SMAD9: variants seen among roughly 807,000 people sequenced by gnomAD.
SMAD9 encodes the protein MAD homolog 9.
SMAD9 carries 36 observed loss-of-function variants against 46.1 expected under a neutral mutation model. The observed-to-expected ratio is 0.78, with a 90% CI of 0.60 to 1.03. The LOEUF (loss-of-function observed/expected upper bound fraction) is 1.03. SMAD9 is among the 50% of genes least tolerant of loss of function. SMAD9 has a pLI of 0.00. For synonymous variants in SMAD9, 245 were observed against 237.1 expected (o/e 1.03, Z -0.31); for missense variants, 572 against 599.8 (o/e 0.95, Z 0.48).
At chr13:36,851,052 T>G (rs991367105) in intron 6 of SMAD9, among the ~76,000 whole-genome samples, 2 of 152,188 alleles carry the variant, frequency 1.3e-5, no homozygotes, top group Non-Finnish European at 2.9e-5. Context: ...CAACCTTGCC[T>G]GTATAATATC....
chr13:36,866,812 C>G (rs1203544928), intron 4 of SMAD9, among the ~76,000 whole-genome samples: 1 of 152,110 alleles, frequency 6.6e-6, no homozygotes, highest in Non-Finnish European at 1.5e-5. Flanking sequence ...AAGATCACAA[C>G]GTGGTTTATA....
At chr13:36,889,305 A>T (rs1006576322) in intron 1 of SMAD9, among the ~76,000 whole-genome samples, 2 of 152,122 alleles carry the variant, frequency 1.3e-5, no homozygotes, top group Admixed American at 1.3e-4. Flanking sequence ...TGTGCTATTT[A>T]CTTTAAAATG....
At chr13:36,898,992 C>T (rs1325602844) in intron 1 of SMAD9, among the ~76,000 whole-genome samples, 1 of 151,770 alleles carries the variant, frequency 6.6e-6, no homozygotes. Flanking sequence ...TCACAGGCAA[C>T]AGAAAGAACA....
At position 36,879,274 on chromosome 13, in the gene SMAD9, C is replaced by A; in HGVS notation, c.412+4G>T. Reference sequence around the variant, plus strand: ...TAAACCTTGACGTCGTAAAGACGACCCACCTGGAGTCTCCACCCGGCGGTA... The same window carrying A: ...TAAACCTTGACGTCGTAAAGACGACACACCTGGAGTCTCCACCCGGCGGTA... On this transcript the variant is annotated splice_donor_region_variant and intron_variant, in intron 2 of 6. Transcript: ENST00000379826. 6.2e-7 allele frequency: 1 copy of A among 1,613,790 alleles called. No individual in the cohort carries two copies. The highest frequency in any genetic ancestry group is 8.5e-7 in the Non-Finnish European group (1 of 1,179,850).
At chr13:36,888,910 G>A (rs1016481494) in intron 1 of SMAD9, among the ~76,000 whole-genome samples, 1 of 152,106 alleles carries the variant, frequency 6.6e-6, no homozygotes, top group Admixed American at 6.5e-5. Flanking sequence ...ACATGAAACT[G>A]ACCACATTTG....
chr13:36,868,937 C>T (rs1050243467), intron 3 of SMAD9, among the ~76,000 whole-genome samples: 1 of 151,862 alleles, frequency 6.6e-6, no homozygotes, highest in Non-Finnish European at 1.5e-5. Context: ...ATCGTTCAGT[C>T]ACAAAGATGA....
chr13:36,888,953 A>G (rs1263808412), intron 1 of SMAD9, among the ~76,000 whole-genome samples: 5 of 152,046 alleles, frequency 3.3e-5, no homozygotes, highest in African/African-American at 1.2e-4. Context: ...GCCAGAGGAG[A>G]AGAAGGGTGG....
intron 3 of SMAD9, 71 bp from the exon 4 acceptor site, chr13:36,867,454 C>T (rs2058246586): frequency 1.9e-6 from 2 of 1,046,044 alleles, no homozygotes; most frequent in African/African-American, 1.6e-5. Flanking sequence ...GATCCGACAT[C>T]TTTTGCCATT....
intron 3 of SMAD9, among the ~76,000 whole-genome samples, chr13:36,870,560 T>A (rs2058281319): frequency 7.5e-6 from 1 of 132,868 alleles, no homozygotes; most frequent in South Asian, 2.3e-4. Flanking sequence ...TGCTACAGGC[T>A]ACCTGTATGT....
intron 1 of SMAD9, among the ~76,000 whole-genome samples, chr13:36,894,965 G>A (rs1263448549): frequency 6.6e-6 from 1 of 152,164 alleles, no homozygotes; most frequent in Non-Finnish European, 1.5e-5. Context: ...TCCATGGCAA[G>A]GAGGGCTATC....
chr13:36,890,308 C>A (rs2138571985), intron 1 of SMAD9, among the ~76,000 whole-genome samples: 1 of 152,274 alleles, frequency 6.6e-6, no homozygotes, highest in South Asian at 2.1e-4. Flanking sequence ...TGGAAGGGCA[C>A]TGAAGAATAT....
intron 1 of SMAD9, among the ~76,000 whole-genome samples, chr13:36,884,177 A>T (rs1413332116): frequency 6.6e-6 from 1 of 152,208 alleles, no homozygotes; most frequent in African/African-American, 2.4e-5. Flanking sequence ...AACAAATATC[A>T]TCTACCAACA....
chr13:36,851,857 G>C (rs1008405884), intron 6 of SMAD9: 1 of 978,854 alleles, frequency 1.0e-6, no homozygotes, highest in African/African-American at 1.8e-5. Context: ...TCTGAGAAAT[G>C]TATCTAGTTA....
At chr13:36,898,233 G>A (rs1322378948) in intron 1 of SMAD9, among the ~76,000 whole-genome samples, 1 of 152,014 alleles carries the variant, frequency 6.6e-6, no homozygotes, top group South Asian at 2.1e-4. Context: ...TACACAGAAA[G>A]ATGAAAATTT....
chr13:36,885,862 A>G (rs952918216), intron 1 of SMAD9, among the ~76,000 whole-genome samples: 1 of 152,182 alleles, frequency 6.6e-6, no homozygotes, highest in African/African-American at 2.4e-5. Flanking sequence ...TAAAAAAACA[A>G]CAACACTGAA....
chr13:36,898,101 G>A (rs1422379821), intron 1 of SMAD9, among the ~76,000 whole-genome samples: 4 of 151,680 alleles, frequency 2.6e-5, no homozygotes, highest in Middle Eastern at 3.4e-3. Flanking sequence ...CTCGTGATCC[G>A]CCCGCCTCGG....
At chr13:36,877,720 G>A (rs1318836819) in intron 2 of SMAD9, among the ~76,000 whole-genome samples, 1 of 152,128 alleles carries the variant, frequency 6.6e-6, no homozygotes, top group African/African-American at 2.4e-5. Flanking sequence ...GATTTGCCAA[G>A]CATGTGGAAC....
intron 1 of SMAD9, among the ~76,000 whole-genome samples, chr13:36,898,998 G>A (rs955458994): frequency 2.0e-5 from 3 of 151,914 alleles, no homozygotes; most frequent in African/African-American, 7.3e-5. Flanking sequence ...GCAACAGAAA[G>A]AACAAAGTAA....
At chr13:36,852,257 C>T (rs1566011834) in intron 6 of SMAD9, 2 of 942,854 alleles carry the variant, frequency 2.1e-6, no homozygotes, top group Non-Finnish European at 1.3e-6. Flanking sequence ...TTTTAAAGTG[C>T]TAATAAAATT....
Sources: allele counts gnomAD v4.1 joint callset (sites outside exome capture counted in the v4.1 genomes callset), GRCh38; gene constraint gnomAD v4.1.1; transcripts MANE v1.5; gene names NCBI Gene and HGNC (gene_info 2026-07-23, HGNC 2026-07-21).